METTL25: variants seen among roughly 807,000 people sequenced by gnomAD.
The protein encoded by METTL25 is probable methyltransferase-like protein 25.
METTL25 carries 64 observed loss-of-function variants against 71.6 expected under a neutral mutation model. That is an observed-to-expected ratio of 0.89 (90% CI 0.73 to 1.10). The LOEUF (loss-of-function observed/expected upper bound fraction) is 1.10, where lower values mean the gene tolerates loss of function less well. Among genes scored for constraint, METTL25 ranks in the 50% least tolerant of loss-of-function variants. METTL25 has a pLI of 0.00. For synonymous variants in METTL25, 287 were observed against 250.3 expected (o/e 1.15, Z -1.38); for missense variants, 807 against 707.0 (o/e 1.14, Z -1.60).
chr12:82,387,041 C>T, intron 2 of METTL25, 74 bp downstream of exon 2: 1 of 1,191,222 alleles, frequency 8.4e-7, no homozygotes, highest in Non-Finnish European at 1.2e-6. Context: ...ATATGTGTAT[C>T]TTTCCAAAAT....
intron 1 of METTL25, among the ~76,000 whole-genome samples, chr12:82,385,979 TC>T (rs2098025420): frequency 6.6e-6 from 1 of 152,110 alleles, no homozygotes; most frequent in Admixed American, 6.6e-5. Context: ...AGGTTCATGA[TC>T]CTCCTACAGA....
At chr12:82,425,236 A>G (rs1888918026) in intron 5 of METTL25, among the ~76,000 whole-genome samples, 1 of 152,082 alleles carries the variant, frequency 6.6e-6, no homozygotes, top group Non-Finnish European at 1.5e-5. Context: ...AGTAGGACCC[A>G]GCAGATGTGA....
chr12:82,393,888 C>T (rs554276361), intron 3 of METTL25, among the ~76,000 whole-genome samples: 1 of 151,788 alleles, frequency 6.6e-6, no homozygotes, highest in Non-Finnish European at 1.5e-5. Flanking sequence ...TTATTGCTGT[C>T]AACTTCTTAG....
At chr12:82,435,023 G>A (rs1298710151) in intron 7 of METTL25, among the ~76,000 whole-genome samples, 1 of 151,408 alleles carries the variant, frequency 6.6e-6, no homozygotes, top group Non-Finnish European at 1.5e-5. Context: ...GTTTTTAGGT[G>A]CTTAGTTCAA....
chr12:82,406,200 A>C (rs1887075637), intron 5 of METTL25, among the ~76,000 whole-genome samples: 1 of 152,200 alleles, frequency 6.6e-6, no homozygotes, highest in Non-Finnish European at 1.5e-5. Flanking sequence ...TTCACCCTTA[A>C]ATAATTTCTT....
chr12:82,376,904 A>G (rs562581354), intron 1 of METTL25, among the ~76,000 whole-genome samples: 1 of 152,284 alleles, frequency 6.6e-6, no homozygotes, highest in African/African-American at 2.4e-5. Context: ...TCACAAGATC[A>G]GGAGTTTGAG....
chr12:82,400,210 T>C (rs750686745), intron 4 of METTL25, among the ~76,000 whole-genome samples: 7 of 151,892 alleles, frequency 4.6e-5, no homozygotes, highest in Admixed American at 6.6e-5. Context: ...CAGGTGCCTA[T>C]AGTCCCAGCT....
intron 2 of METTL25, among the ~76,000 whole-genome samples, chr12:82,387,755 A>G (rs779789568): frequency 6.6e-6 from 1 of 151,904 alleles, no homozygotes; most frequent in Middle Eastern, 3.2e-3. Context: ...TCTTTTGAAC[A>G]TAAGTTATAG....
chr12:82,361,954 C>G (rs143755272), intron 1 of METTL25, among the ~76,000 whole-genome samples: 1 of 152,172 alleles, frequency 6.6e-6, no homozygotes, highest in African/African-American at 2.4e-5. Context: ...TGAGGGCTGC[C>G]GGCACGCTGT....
intron 7 of METTL25, chr12:82,438,513 T>C: frequency 7.5e-6 from 1 of 133,684 alleles, no homozygotes; most frequent in Non-Finnish European, 1.6e-5. Context: ...TTATGGTTTC[T>C]TTTTTTTTTT....
At chr12:82,373,062 A>G (rs1411487943) in intron 1 of METTL25, among the ~76,000 whole-genome samples, 2 of 152,276 alleles carry the variant, frequency 1.3e-5, no homozygotes, top group Middle Eastern at 3.4e-3. Flanking sequence ...CTAGACCACA[A>G]AGAGGCCCAA....
chr12:82,464,847 T>C (rs1375596358), intron 9 of METTL25, among the ~76,000 whole-genome samples: 2 of 151,486 alleles, frequency 1.3e-5, no homozygotes, highest in Non-Finnish European at 3.0e-5. Flanking sequence ...TTTATTCGTA[T>C]ATATTTTATT....
In METTL25 at chr12:82,434,707, G is replaced by T. The variant is rs1468212072; in HGVS notation, c.1387G>T (p.Val463Phe). 1 of 1,609,476 alleles carries T rather than the reference G, an allele frequency of 6.2e-7. No individual in the cohort carries two copies. Among genetic ancestry groups the T allele is most frequent in the African/African-American group, 1.3e-5 (1 of 74,670 alleles). The change falls in exon 7 of 12, where the codon GTT becomes TTT. Residue 463 changes from valine to phenylalanine, a missense_variant. Physicochemically the swap from Val to Phe is conservative, Grantham distance 50 (BLOSUM62 -1). Transcript: ENST00000248306. ...RMSACLALER[V>F]AAGQGLPTES... ...TTTTCCCTTTAAGGCATTGGAGCGG[G>T]TTGCAGCTGGCCAAGGGGTAAGTAA...
intron 4 of METTL25, among the ~76,000 whole-genome samples, chr12:82,401,048 A>G (rs898397520): frequency 6.6e-6 from 1 of 152,112 alleles, no homozygotes; most frequent in Non-Finnish European, 1.5e-5. Flanking sequence ...AATAAAACCT[A>G]TCTAAACTAA....
At chr12:82,377,329 A>G (rs1469923330) in intron 1 of METTL25, among the ~76,000 whole-genome samples, 1 of 152,238 alleles carries the variant, frequency 6.6e-6, no homozygotes, top group Non-Finnish European at 1.5e-5. Flanking sequence ...TGCCTTTATT[A>G]TAGATTTCAA....
chr12:82,476,668 T>C lies in METTL25; in HGVS notation c.1597T>C (p.Tyr533His), dbSNP rs1443687298. The C allele has an allele frequency of 6.3e-7, 1 of 1,599,840 alleles. No homozygotes were observed. Among genetic ancestry groups the C allele is most frequent in the Non-Finnish European group, 8.5e-7 (1 of 1,173,296 alleles). Residue 533 changes from tyrosine to histidine, a missense_variant, in exon 10 of 12, where the codon TAC becomes CAC. By Grantham distance (83) the Tyr-to-His change is moderately conservative (BLOSUM62 2). Transcript: ENST00000248306. ...GCTGCCAGAAAAAATTATAATGAAC[T>C]ACTACGAGAAGTATAAGCCTCGAAT... ...SKLPEKIIMN[Y>H]YEKYKPRMNE...
rs150092606 is a variant in METTL25, at chr12:82,453,206, A to G, written c.1479-3521A>G. On this transcript the variant is annotated intron_variant, in intron 8 of 11. Coordinates refer to ENST00000248306, the MANE Select transcript of METTL25 (RefSeq NM_032230.3). ...AATTTTTTAATTGTTAGAATTATTT[A>G]GTATCCCATAGGTTCACTAAAACAC... Among the ~76,000 whole-genome samples the G allele has an allele frequency of 4.3e-4, 66 of 152,276 alleles. No homozygotes were observed. The East Asian group carries it at 8.5e-3, about 20-fold the overall frequency.
chr12:82,399,224 A>C lies in METTL25; in HGVS notation c.961A>C (p.Asn321His), dbSNP rs1490388901. Reference protein sequence around the residue: ...SFSLINLLPINAVEPTSSQQI... With the variant: ...SFSLINLLPIHAVEPTSSQQI... ...TTCTCTTATAAACCTTTTGCCTATT[A>C]ATGCTGTAGAGCCTACTTCTTCACA... is the stretch of plus-strand genomic sequence containing the variant. Residue 321 changes from asparagine (N) to histidine (H), a missense_variant, in exon 4 of 12, where the codon AAT becomes CAT. Coordinates refer to ENST00000248306, the MANE Select transcript of METTL25 (RefSeq NM_032230.3). The C allele has an allele frequency of 6.2e-7, 1 of 1,613,212 alleles. No individual in the cohort carries two copies. The highest frequency in any genetic ancestry group is 1.3e-5 in the African/African-American group (1 of 74,862).
At chr12:82,420,774 CTTAATA>C (rs1232607468) in intron 5 of METTL25, among the ~76,000 whole-genome samples, 1 of 151,666 alleles carries the variant, frequency 6.6e-6, no homozygotes, top group Non-Finnish European at 1.5e-5. Context: ...GGATTGGGGT[CTTAATA>C]TTAAAAGGAG....
Sources: allele counts gnomAD v4.1 joint callset (sites outside exome capture counted in the v4.1 genomes callset), GRCh38; gene constraint gnomAD v4.1.1; transcripts MANE v1.5; gene names NCBI Gene and HGNC (gene_info 2026-07-23, HGNC 2026-07-21).